Variants in ADAMTS12 observed in about 807,000 individuals in gnomAD.
ADAMTS12 encodes the protein ADAM metallopeptidase with thrombospondin type 1 motif 12, also known as A disintegrin and metalloproteinase with thrombospondin motifs 12.
ADAMTS12 carries 118 observed loss-of-function variants against 167.8 expected under a neutral mutation model. The ratio of observed to expected loss-of-function variants is 0.70; its 90% CI spans 0.61 to 0.82. ADAMTS12 has a LOEUF of 0.82. Ranked by LOEUF, ADAMTS12 falls within the 40% of genes least tolerant of loss-of-function variation. The probability of loss-of-function intolerance (pLI) is 0.00; values close to 1 mark genes in which losing one functional copy is unlikely to be tolerated. For synonymous variants in ADAMTS12, 704 were observed against 716.9 expected (o/e 0.98, Z 0.29); for missense variants, 1,916 against 1,998.8 (o/e 0.96, Z 0.79).
chr5:33,560,915 A>G, intron 20 of ADAMTS12, 112 bp downstream of exon 20: 12 of 1,309,570 alleles, frequency 9.2e-6, no homozygotes, highest in Middle Eastern at 1.9e-4. Flanking sequence ...AACTTTAATT[A>G]AGAAAAAGAA....
Position 33,658,209 on chromosome 5 carries a change from T to C in ADAMTS12, c.1165A>G (p.Thr389Ala). Residue 389 changes from threonine (T) to alanine (A), a missense_variant, in exon 7 of 24, where the codon ACA (threonine) becomes GCA (alanine). By Grantham distance (58) the Thr-to-Ala change is moderately conservative (BLOSUM62 0). Transcript: ENST00000504830. The part of the protein sequence containing the change: ...NEDSGLPLAF[T>A]IAHELGHSFG... ...CTGTGTCCTAGCTCATGGGCAATTG[T>C]GAAAGCCAGAGGGAGTCCCGAATCT... The C allele has an allele frequency of 6.2e-7, 1 of 1,613,556 alleles. No homozygotes were observed. Among genetic ancestry groups the C allele is most frequent in the Non-Finnish European group, 8.5e-7 (1 of 1,179,616 alleles).
intron 8 of ADAMTS12, among the ~76,000 whole-genome samples, chr5:33,649,300 A>G (rs1740790487): frequency 6.6e-6 from 1 of 152,176 alleles, no homozygotes; most frequent in Non-Finnish European, 1.5e-5. Flanking sequence ...TGGCTCATAG[A>G]AAGCTATTTT....
rs1750439141 is a variant in ADAMTS12 at position 33,881,424 on chromosome 5, C to A, written c.184G>T (p.Ala62Ser). 3 of 1,614,052 alleles carry A rather than the reference C, an allele frequency of 1.9e-6. No individual in the cohort carries two copies. The highest frequency in any genetic ancestry group is 1.7e-6 in the Non-Finnish European group (2 of 1,179,970). The change falls in exon 2 of 24, where the codon GCC (alanine) becomes TCC (serine). Residue 62 changes from alanine to serine, a missense_variant. Coordinates refer to ENST00000504830, the MANE Select transcript of ADAMTS12 (RefSeq NM_030955.4). Reference protein sequence around the residue: ...YHVVGPVRVDASGHFLSYGLH... With the variant: ...YHVVGPVRVDSSGHFLSYGLH... ...CCATATGACAAAAAATGCCCACTGG[C>A]ATCTACTCGGACTGGACCCACCACG...
chr5:33,838,889 T>C (rs970766636), intron 2 of ADAMTS12, among the ~76,000 whole-genome samples: 2 of 152,054 alleles, frequency 1.3e-5, no homozygotes, highest in African/African-American at 4.8e-5. Flanking sequence ...GGGCAGATAA[T>C]GGACTAAAAC....
intron 3 of ADAMTS12, among the ~76,000 whole-genome samples, chr5:33,728,225 C>A (rs1169508153): frequency 1.3e-5 from 2 of 152,100 alleles, no homozygotes; most frequent in African/African-American, 4.8e-5. Flanking sequence ...AGGACATTAT[C>A]CCACTCGGGA....
At chr5:33,577,981 A>G (rs1445260405) in intron 18 of ADAMTS12, among the ~76,000 whole-genome samples, 4 of 152,218 alleles carry the variant, frequency 2.6e-5, no homozygotes. Context: ...TCTTCATTGC[A>G]TCAATTTCAA....
intron 12 of ADAMTS12, among the ~76,000 whole-genome samples, chr5:33,635,628 T>C (rs749401035): frequency 1.3e-5 from 2 of 152,188 alleles, no homozygotes; most frequent in Non-Finnish European, 2.9e-5. Flanking sequence ...AACTCTGCTG[T>C]ATGTTTATTT....
At chr5:33,689,271 C>T (rs1028793373) in intron 3 of ADAMTS12, among the ~76,000 whole-genome samples, 11 of 152,268 alleles carry the variant, frequency 7.2e-5, no homozygotes, top group African/African-American at 2.6e-4. Flanking sequence ...TTCAAAGTCT[C>T]ATAGCCAGTA....
chr5:33,664,819 G>A (rs899595483), intron 5 of ADAMTS12, among the ~76,000 whole-genome samples: 1 of 152,062 alleles, frequency 6.6e-6, no homozygotes, highest in African/African-American at 2.4e-5. Context: ...TATACAATCA[G>A]TAAGTCAAAG....
chr5:33,701,019 G>C (rs1349620221), intron 3 of ADAMTS12, among the ~76,000 whole-genome samples: 1 of 152,154 alleles, frequency 6.6e-6, no homozygotes, highest in Non-Finnish European at 1.5e-5. Flanking sequence ...TTTCCTTCTT[G>C]AGTGGACTTA....
intron 3 of ADAMTS12, among the ~76,000 whole-genome samples, chr5:33,715,246 C>T (rs1431020639): frequency 6.6e-6 from 1 of 151,876 alleles, no homozygotes; most frequent in African/African-American, 2.4e-5. Flanking sequence ...AAGGGTTGAG[C>T]TTCATATGTG....
chr5:33,841,750 CT>C lies in ADAMTS12; in HGVS notation c.489+39368del, dbSNP rs547191133. Among the ~76,000 whole-genome samples the C allele has an allele frequency of 1.5e-4, 23 of 152,280 alleles. No homozygotes were observed. The South Asian group carries it at 4.8e-3, about 32-fold the overall frequency. On this transcript the variant is annotated intron_variant, in intron 2 of 23. Coordinates refer to ENST00000504830, the MANE Select transcript of ADAMTS12 (RefSeq NM_030955.4). ...TCTCCCCATCAATGGGACTGCTATG[CT>C]AGGGTTCCTGACAACGCAATGCAAG...
chr5:33,684,098 C>G, intron 3 of ADAMTS12, 43 bp from the exon 4 acceptor site: 3 of 1,297,772 alleles, frequency 2.3e-6, no homozygotes, highest in Non-Finnish European at 3.0e-6. Context: ...CTGTATATGT[C>G]TCATATATTA....
rs570820481 is a variant in ADAMTS12 at position 33,849,859 on chromosome 5, T to C, written c.489+31260A>G. On this transcript the variant is annotated intron_variant, in intron 2 of 23. Transcript: ENST00000504830. The stretch of plus-strand genomic sequence containing the variant: ...ATGTATTGCATAGCAATATACATTG[T>C]ATCAATATATATATGTATTGCATAG... 2.7e-4 allele frequency among the ~76,000 whole-genome samples: 41 copies of C among 151,448 alleles called. 1 individual carries two copies. In the South Asian group the frequency reaches 8.4e-3, roughly 31 times the overall value.
Position 33,606,298 on chromosome 5 carries a change from A to ATTAC in ADAMTS12, c.2527+7936_2527+7939dup, listed in dbSNP as rs911387634. Among the ~76,000 whole-genome samples, 23 of 152,326 alleles carry ATTAC rather than the reference A, an allele frequency of 1.5e-4. 1 individual carries two copies. Among genetic ancestry groups the ATTAC allele is most frequent in the Admixed American group, 1.3e-3 (20 of 15,302 alleles). Reference sequence around the variant, plus strand: ...CCATGACATACTAATAGGACTATTTATTACTTAAGAATGAGAAAGAGAGCC... The same window carrying ATTAC: ...CCATGACATACTAATAGGACTATTTATTACTTACTTAAGAATGAGAAAGAGAGCC... On this transcript the variant is annotated intron_variant, in intron 16 of 23. Coordinates refer to ENST00000504830, the MANE Select transcript of ADAMTS12 (RefSeq NM_030955.4).
At chr5:33,598,380 C>A (rs973070674) in intron 16 of ADAMTS12, among the ~76,000 whole-genome samples, 3 of 152,142 alleles carry the variant, frequency 2.0e-5, no homozygotes, top group African/African-American at 7.2e-5. Context: ...CAATTCATTT[C>A]TTATCTATTC....
intron 17 of ADAMTS12, among the ~76,000 whole-genome samples, chr5:33,592,830 A>C (rs1468290274): frequency 6.6e-6 from 1 of 152,244 alleles, no homozygotes; most frequent in African/African-American, 2.4e-5. Context: ...TGGGAAAGGA[A>C]ATGACAGCTC....
intron 2 of ADAMTS12, among the ~76,000 whole-genome samples, chr5:33,849,591 C>CATATGTATTGCATAGCAATAT (rs201918952): frequency 0.11 from 7,842 of 68,720 alleles, 963 homozygotes; most frequent in Non-Finnish European, 0.18. Context: ...TAGCAATACA[C>CATATGTATTGCATAGCAATAT]ATATGTATTG....
At chr5:33,657,262 T>C (rs1741095628) in intron 7 of ADAMTS12, among the ~76,000 whole-genome samples, 1 of 152,148 alleles carries the variant, frequency 6.6e-6, no homozygotes, top group Non-Finnish European at 1.5e-5. Flanking sequence ...CAGTCTCCAG[T>C]GTTTTTTCCA....
Sources: allele counts gnomAD v4.1 joint callset (sites outside exome capture counted in the v4.1 genomes callset), GRCh38; gene constraint gnomAD v4.1.1; transcripts MANE v1.5; gene names NCBI Gene and HGNC (gene_info 2026-07-23, HGNC 2026-07-21).